The following BICD2 variants were observed in gnomAD, a reference collection of about 807,000 sequenced individuals.
BICD2 encodes the protein BICD cargo adaptor 2.
In BICD2, 25 loss-of-function variants were observed where a neutral mutation model predicts 72.9. The observed-to-expected ratio is 0.34, with a 90% confidence interval of 0.25 to 0.48. The LOEUF (loss-of-function observed/expected upper bound fraction) is 0.48, where lower values mean the gene tolerates loss of function less well. BICD2 is among the 20% of genes least tolerant of loss of function. BICD2 has a pLI of 0.99. For missense variants in BICD2, 894 were observed against 1,175.2 expected, an observed-to-expected ratio of 0.76 and a Z score of 3.50; for synonymous variants, 501 against 516.1, an observed-to-expected ratio of 0.97 and a Z score of 0.40.
chr9:92,749,560 A>C (rs1358192251), intron 1 of BICD2, among the ~76,000 whole-genome samples: 13 of 152,232 alleles, frequency 8.5e-5, no homozygotes, highest in Admixed American at 8.5e-4. Flanking sequence ...CGTGAACCCC[A>C]GCTGCCCTGG....
At chr9:92,731,143 G>C (rs934987934) in intron 1 of BICD2, among the ~76,000 whole-genome samples, 1 of 152,240 alleles carries the variant, frequency 6.6e-6, no homozygotes, top group African/African-American at 2.4e-5. Flanking sequence ...GGCATGGGCA[G>C]CGCCAGACCA....
At chr9:92,730,158 G>A (rs1301966548) in intron 1 of BICD2, among the ~76,000 whole-genome samples, 1 of 152,148 alleles carries the variant, frequency 6.6e-6, no homozygotes, top group African/African-American at 2.4e-5. Context: ...AGGGCAGACG[G>A]GCCGCAGTGT....
At position 92,720,387 on chromosome 9, in the gene BICD2, G is replaced by T; in HGVS notation, c.975C>A (p.Leu325=). 1 of 1,614,076 alleles carries T rather than the reference G, an allele frequency of 6.2e-7. No homozygotes were observed. Among genetic ancestry groups the T allele is most frequent in the Non-Finnish European group, 8.5e-7 (1 of 1,180,024 alleles). ...NKTSTPKKEG[L]APPSPSLVSD... ...AGACGAGGCTGGGGGAGGGCGGTGCGAGGCCCTCCTTCTTGGGCGTGGAGG... is the reference window on the plus strand; with the variant it reads ...AGACGAGGCTGGGGGAGGGCGGTGCTAGGCCCTCCTTCTTGGGCGTGGAGG... Residue 325 remains leucine, a synonymous_variant, in exon 4 of 7, where the codon CTC becomes CTA. Coordinates refer to ENST00000356884, the MANE Select transcript of BICD2 (RefSeq NM_001003800.2). This position sits in a 1 kb window ranked among gnomAD's most constrained non-coding sequence, Gnocchi z 5.4.
At chr9:92,762,730 A>G (rs1437162057) in intron 1 of BICD2, among the ~76,000 whole-genome samples, 1 of 152,238 alleles carries the variant, frequency 6.6e-6, no homozygotes, top group Non-Finnish European at 1.5e-5. Context: ...AGTCAGCGAC[A>G]ATTCCTTCTC....
chr9:92,714,918 C>T lies in BICD2; in HGVS notation c.*236G>A. The T allele has an allele frequency of 7.4e-7, 1 of 1,346,312 alleles. No individual in the cohort carries two copies. Among genetic ancestry groups the T allele is most frequent in the Non-Finnish European group, 9.5e-7 (1 of 1,051,750 alleles). 83.4% of individuals were successfully genotyped at this position (1,346,312 alleles called of 1,614,324 possible). On this transcript the variant is annotated 3_prime_UTR_variant, in exon 7 of 7. Transcript: ENST00000356884. ...GTGCAGCTCTATCCCCACCTCTGAC[C>T]CCCACCTAAGAGAGCAGCTGAGGAC...
intron 1 of BICD2, among the ~76,000 whole-genome samples, chr9:92,739,074 C>T (rs1350055747): frequency 6.6e-6 from 1 of 152,206 alleles, no homozygotes; most frequent in Non-Finnish European, 1.5e-5. Context: ...TGGGCCCTCC[C>T]ACCACCTGCT....
At chr9:92,730,467 T>C (rs548174597) in intron 1 of BICD2, among the ~76,000 whole-genome samples, 2 of 152,298 alleles carry the variant, frequency 1.3e-5, no homozygotes, top group African/African-American at 4.8e-5. Flanking sequence ...GAGTAACTCA[T>C]TTCGTCCCAA....
In BICD2 at chr9:92,739,131, G is replaced by C. The variant is rs151244238; in HGVS notation, c.241-9895C>G. ...TCCTTGTCAGGGCTGGTCCAAGCAG[G>C]GGGAAGGTCTGATCCTCATCCACTC... On this transcript the variant is annotated intron_variant, in intron 1 of 6. Coordinates refer to ENST00000356884, the MANE Select transcript of BICD2 (RefSeq NM_001003800.2). 5.6e-4 allele frequency among the ~76,000 whole-genome samples: 86 copies of C among 152,320 alleles called. No individual in the cohort carries two copies. The East Asian group carries it at 0.016, about 28-fold the overall frequency.
At chr9:92,716,929 C>T (rs751173119) in intron 6 of BICD2, among the ~76,000 whole-genome samples, 54 of 152,358 alleles carry the variant, frequency 3.5e-4, no homozygotes, top group Non-Finnish European at 6.8e-4. Flanking sequence ...CCCCGGCCCT[C>T]TCCTCACCCT....
At chr9:92,718,443 G>A (rs925374551) in intron 5 of BICD2, 96 bp downstream of exon 5, 3 of 1,421,676 alleles carry the variant, frequency 2.1e-6, no homozygotes, top group Non-Finnish European at 2.8e-6. Flanking sequence ...ACGCAGGCCT[G>A]GGGGGGCCCC....
At position 92,764,642 on chromosome 9, in the gene BICD2, C is replaced by T. The variant is rs773807696; in HGVS notation, c.103G>A (p.Glu35Lys). The T allele has an allele frequency of 2.3e-5, 36 of 1,593,148 alleles. No individual in the cohort carries two copies. Among genetic ancestry groups the T allele is most frequent in the Non-Finnish European group, 3.1e-5 (36 of 1,171,730 alleles). ...EVKRLSHELAETTREKIQAAE... is the reference protein window; with the variant it reads ...EVKRLSHELAKTTREKIQAAE... ...GCCTGGATCTTCTCACGCGTGGTCT[C>T]GGCCAGCTCGTGGGACAGCCGCTTC... The change falls in exon 1 of 7, where the codon GAG becomes AAG. Residue 35 changes from glutamate (E) to lysine (K), a missense_variant. Around this residue, in one of 5 missense-constraint regions of BICD2, gnomAD observed 192 missense variants for 243.6 expected, o/e 0.79. Transcript: ENST00000356884. This position sits in a 1 kb window ranked among gnomAD's most constrained non-coding sequence, Gnocchi z 5.5.
At chr9:92,735,647 G>A (rs1218529179) in intron 1 of BICD2, among the ~76,000 whole-genome samples, 2 of 151,686 alleles carry the variant, frequency 1.3e-5, no homozygotes, top group South Asian at 2.1e-4. Context: ...AGGGCAAGTC[G>A]GGGCAGGGAG....
chr9:92,736,163 A>G (rs1323716660), intron 1 of BICD2, among the ~76,000 whole-genome samples: 2 of 152,238 alleles, frequency 1.3e-5, no homozygotes, highest in African/African-American at 4.8e-5. Flanking sequence ...GACATAAAAC[A>G]GGCTGCAGTA....
chr9:92,723,280 G>A (rs1220457238), intron 2 of BICD2, among the ~76,000 whole-genome samples: 6 of 152,180 alleles, frequency 3.9e-5, no homozygotes, highest in Non-Finnish European at 8.8e-5. Flanking sequence ...CAGCAGCAGC[G>A]TTCATTTTGC....
intron 1 of BICD2, among the ~76,000 whole-genome samples, chr9:92,729,625 C>T (rs1853640304): frequency 6.6e-6 from 1 of 152,230 alleles, no homozygotes; most frequent in Non-Finnish European, 1.5e-5. Flanking sequence ...ACGCCGGCCA[C>T]CACATATGAA....
intron 1 of BICD2, among the ~76,000 whole-genome samples, chr9:92,743,183 T>A (rs1211983124): frequency 6.6e-6 from 1 of 152,072 alleles, no homozygotes; most frequent in Non-Finnish European, 1.5e-5. Flanking sequence ...GGATATGAGA[T>A]CTCTTCCCAT....
At chr9:92,740,345 TA>T (rs1230894306) in intron 1 of BICD2, among the ~76,000 whole-genome samples, 4 of 152,140 alleles carry the variant, frequency 2.6e-5, no homozygotes, top group African/African-American at 7.2e-5. Flanking sequence ...GAAACTGTTC[TA>T]AAAAATATAT....
chr9:92,739,985 T>TA (rs1268302358), intron 1 of BICD2, among the ~76,000 whole-genome samples: 1 of 152,188 alleles, frequency 6.6e-6, no homozygotes, highest in African/African-American at 2.4e-5. Context: ...TAAGCTGACA[T>TA]AAATACAAGC....
In BICD2 at chr9:92,720,491, C is replaced by T. The variant is rs1271142551; in HGVS notation, c.871G>A (p.Glu291Lys). Residue 291 changes from glutamate to lysine, a missense_variant, in exon 4 of 7, where the codon GAG becomes AAG. Physicochemically the swap from Glu to Lys is moderately conservative, Grantham distance 56 (BLOSUM62 1). This residue lies in a region of BICD2 where 371 missense variants were observed against 439.1 expected (regional missense o/e 0.84). Coordinates refer to ENST00000356884, the MANE Select transcript of BICD2 (RefSeq NM_001003800.2). The surrounding 1 kb of genome is among the most constrained non-coding windows in gnomAD (Gnocchi z 5.4). ...AGGGCCTCGGCATCGTTGTTGGGCT[C>T]GGCAGCATCGTCACTGAACTTGAGG... is the stretch of plus-strand genomic sequence containing the variant. ...DGLKFSDDAA[E>K]PNNDAEALVN... 7 of 1,614,198 alleles carry T rather than the reference C, an allele frequency of 4.3e-6. No individual in the cohort carries two copies. Among genetic ancestry groups the T allele is most frequent in the South Asian group, 2.2e-5 (2 of 91,080 alleles).
Sources: allele counts gnomAD v4.1 joint callset (sites outside exome capture counted in the v4.1 genomes callset), GRCh38; gene constraint gnomAD v4.1.1; regional missense constraint gnomAD v4.1.1; non-coding constraint Gnocchi (gnomAD v3.1); transcripts MANE v1.5; gene names NCBI Gene and HGNC (gene_info 2026-07-23, HGNC 2026-07-21).